CHSY3: variants seen among roughly 807,000 people sequenced by gnomAD.
CHSY3 encodes the protein N-acetylgalactosaminyl-proteoglycan 3-beta-glucuronosyltransferase 3.
A neutral mutation model predicts 67.2 loss-of-function variants in CHSY3; 35 were observed. That is an observed-to-expected ratio of 0.52 (90% CI 0.40 to 0.69). CHSY3 has a LOEUF of 0.69. CHSY3 is among the 30% of genes least tolerant of loss of function. CHSY3 has a pLI of 0.00. For synonymous variants in CHSY3, 474 were observed against 434.7 expected (o/e 1.09, Z -1.12); for missense variants, 1,069 against 1,138.5 (o/e 0.94, Z 0.88).
chr5:129,942,166 G>A (rs1199867925), intron 2 of CHSY3, among the ~76,000 whole-genome samples: 1 of 152,104 alleles, frequency 6.6e-6, no homozygotes, highest in Non-Finnish European at 1.5e-5. Context: ...ATAGGTGAAA[G>A]GAGGGCAGGA....
intron 2 of CHSY3, among the ~76,000 whole-genome samples, chr5:129,997,821 C>A (rs751316113): frequency 1.3e-5 from 2 of 151,978 alleles, no homozygotes; most frequent in South Asian, 4.2e-4. Flanking sequence ...TCCATGTCCC[C>A]GCAAAGGACA....
intron 2 of CHSY3, among the ~76,000 whole-genome samples, chr5:130,179,836 A>G (rs928246178): frequency 2.0e-5 from 3 of 152,050 alleles, no homozygotes; most frequent in African/African-American, 4.8e-5. Flanking sequence ...AATTCAGCAT[A>G]GATTTATTTT....
At chr5:129,906,947 G>T (rs1333372681) in intron 1 of CHSY3, among the ~76,000 whole-genome samples, 1 of 152,190 alleles carries the variant, frequency 6.6e-6, no homozygotes, top group Non-Finnish European at 1.5e-5. Context: ...TGGAAGGAGG[G>T]AAGTCACTCT....
chr5:130,143,794 A>ATATATATGTGTGTG (rs1768972811), intron 2 of CHSY3, among the ~76,000 whole-genome samples: 1 of 90,868 alleles, frequency 1.1e-5, no homozygotes, highest in Non-Finnish European at 2.0e-5. Flanking sequence ...GTATATATAT[A>ATATATATGTGTGTG]TATATATATA....
chr5:129,937,639 G>GA (rs59527908), intron 2 of CHSY3, among the ~76,000 whole-genome samples: 56 of 146,476 alleles, frequency 3.8e-4, no homozygotes, highest in South Asian at 6.5e-4. Flanking sequence ...CTATGAGCCT[G>GA]AAAAAAAAAA....
intron 2 of CHSY3, among the ~76,000 whole-genome samples, chr5:130,005,734 C>A (rs1174872247): frequency 6.6e-6 from 1 of 152,090 alleles, no homozygotes; most frequent in Non-Finnish European, 1.5e-5. Flanking sequence ...ATAATGAATA[C>A]CTTCTGTCCT....
At chr5:129,961,830 A>T (rs978207318) in intron 2 of CHSY3, among the ~76,000 whole-genome samples, 9 of 151,974 alleles carry the variant, frequency 5.9e-5, no homozygotes, top group African/African-American at 1.9e-4. Context: ...TTTTAAAAAA[A>T]CTTTCAATAA....
intron 2 of CHSY3, among the ~76,000 whole-genome samples, chr5:130,151,600 C>T (rs569119388): frequency 3.9e-5 from 6 of 152,242 alleles, no homozygotes; most frequent in East Asian, 1.9e-4. Context: ...CAGTTCAGCA[C>T]GGCTGGGGAA....
At chr5:130,010,357 A>G (rs1223529050) in intron 2 of CHSY3, among the ~76,000 whole-genome samples, 1 of 152,212 alleles carries the variant, frequency 6.6e-6, no homozygotes, top group African/African-American at 2.4e-5. Context: ...TTACATGGAA[A>G]TTAAACAACC....
In CHSY3 at chr5:129,999,466, A is replaced by G. The variant is rs185538969; in HGVS notation, c.1086+91106A>G. Among the ~76,000 whole-genome samples, 338 of 152,252 alleles carry G rather than the reference A, an allele frequency of 2.2e-3. 2 individuals carry two copies. The highest frequency in any genetic ancestry group is 7.5e-3 in the African/African-American group (313 of 41,550). On this transcript the variant is annotated intron_variant, in intron 2 of 2. Transcript: ENST00000305031. ...TCCTAGAGAAGATCTAGGCAATGAT[A>G]ATGGCAGTGGTGGAGTATTCCATCC... is the stretch of plus-strand genomic sequence containing the variant.
rs142710208 is a variant in CHSY3 at position 130,000,047 on chromosome 5, C to G, written c.1086+91687C>G. On this transcript the variant is annotated intron_variant, in intron 2 of 2. Coordinates refer to ENST00000305031, the MANE Select transcript of CHSY3 (RefSeq NM_175856.5). ...AAATTTCAGCATATCTCAGAAACAGCTAACTTTGAACAGTGGTAAAAAGTA... is the reference window on the plus strand; with the variant it reads ...AAATTTCAGCATATCTCAGAAACAGGTAACTTTGAACAGTGGTAAAAAGTA... Among the ~76,000 whole-genome samples the G allele has an allele frequency of 7.6e-3, 1,155 of 152,244 alleles. 5 individuals are homozygous for G. Among genetic ancestry groups the G allele is most frequent in the Non-Finnish European group, 0.011 (729 of 68,008 alleles).
intron 2 of CHSY3, among the ~76,000 whole-genome samples, chr5:130,138,733 A>G (rs1457264644): frequency 6.6e-6 from 1 of 152,222 alleles, no homozygotes; most frequent in Non-Finnish European, 1.5e-5. Context: ...GCAATCAGCA[A>G]AAGATTGCTA....
chr5:130,084,175 T>C (rs1561529000), intron 2 of CHSY3, among the ~76,000 whole-genome samples: 1 of 152,152 alleles, frequency 6.6e-6, no homozygotes, highest in East Asian at 1.9e-4. Context: ...GCTATTGGGT[T>C]TATCATTATA....
At chr5:129,980,425 G>A (rs1263775731) in intron 2 of CHSY3, among the ~76,000 whole-genome samples, 1 of 152,152 alleles carries the variant, frequency 6.6e-6, no homozygotes, top group Non-Finnish European at 1.5e-5. Context: ...CTTTGGTGAA[G>A]GGTCTGGTGA....
chr5:129,955,714 G>A (rs900952247), intron 2 of CHSY3, among the ~76,000 whole-genome samples: 1 of 151,954 alleles, frequency 6.6e-6, no homozygotes, highest in Non-Finnish European at 1.5e-5. Context: ...CAGGAGGCTC[G>A]AGTGTGTGTT....
chr5:130,124,039 C>CAAAAAAA (rs11297427), intron 2 of CHSY3, among the ~76,000 whole-genome samples: 28 of 58,232 alleles, frequency 4.8e-4, no homozygotes, highest in African/African-American at 9.5e-4. Flanking sequence ...GACTCCATCT[C>CAAAAAAA]AAAAAAAAAA....
intron 2 of CHSY3, among the ~76,000 whole-genome samples, chr5:130,034,080 CA>C (rs1468223354): frequency 2.0e-5 from 3 of 152,098 alleles, no homozygotes; most frequent in Non-Finnish European, 4.4e-5. Flanking sequence ...AAGTTTTTTA[CA>C]CAATAACGTT....
chr5:130,020,063 C>T lies in CHSY3; in HGVS notation c.1086+111703C>T, dbSNP rs546120919. On this transcript the variant is annotated intron_variant, in intron 2 of 2. Coordinates refer to ENST00000305031, the MANE Select transcript of CHSY3 (RefSeq NM_175856.5). ...GAGTGAGACTCATATACTTTCTCTA[C>T]AATGTTGCCTGTGAGATCTTGCTAA... Among the ~76,000 whole-genome samples, 16 of 152,268 alleles carry T rather than the reference C, an allele frequency of 1.1e-4. No individual in the cohort carries two copies. In the East Asian group the frequency reaches 2.3e-3, roughly 22 times the overall value.
intron 2 of CHSY3, among the ~76,000 whole-genome samples, chr5:130,016,135 G>T (rs181309134): frequency 5.5e-4 from 83 of 152,224 alleles, no homozygotes; most frequent in Admixed American, 2.1e-3. Context: ...TGTGTACTAT[G>T]GTCTCTACCT....
Sources: allele counts gnomAD v4.1 joint callset (sites outside exome capture counted in the v4.1 genomes callset), GRCh38; gene constraint gnomAD v4.1.1; transcripts MANE v1.5; gene names NCBI Gene and HGNC (gene_info 2026-07-23, HGNC 2026-07-21).